The following LRP1B variants were observed in gnomAD, a reference collection of about 807,000 sequenced individuals.
The protein encoded by LRP1B is low-density lipoprotein receptor-related protein 1B.
LRP1B carries 217 observed loss-of-function variants against 556.6 expected under a neutral mutation model. The ratio of observed to expected loss-of-function variants is 0.39; its 90% CI spans 0.35 to 0.44. The LOEUF (loss-of-function observed/expected upper bound fraction) is 0.44. Ranked by LOEUF, LRP1B falls within the 20% of genes least tolerant of loss-of-function variation. The pLI is 1.00. For missense variants in LRP1B, 5,053 were observed against 5,620.8 expected (o/e 0.90, Z 3.23); for synonymous variants, 2,047 against 1,865.8 (o/e 1.10, Z -2.50).
At chr2:141,808,422 G>A (rs2890600) in intron 2 of LRP1B, among the ~76,000 whole-genome samples, 3 of 151,984 alleles carry the variant, frequency 2.0e-5, no homozygotes, top group African/African-American at 7.2e-5. Context: ...TTGAAAAGGA[G>A]AGGGCTAAAG....
intron 41 of LRP1B, among the ~76,000 whole-genome samples, chr2:140,647,297 T>C (rs1684518861): frequency 6.6e-6 from 1 of 152,244 alleles, no homozygotes; most frequent in Non-Finnish European, 1.5e-5. Flanking sequence ...AAATAGTCTT[T>C]CCAACCCTTT....
chr2:141,664,339 T>C (rs1290777513), intron 2 of LRP1B, among the ~76,000 whole-genome samples: 2 of 152,150 alleles, frequency 1.3e-5, no homozygotes, highest in Non-Finnish European at 2.9e-5. Flanking sequence ...TTCAACATAG[T>C]ATTAGAAGTT....
intron 3 of LRP1B, among the ~76,000 whole-genome samples, chr2:141,417,703 T>G (rs1188044960): frequency 6.6e-6 from 1 of 152,018 alleles, no homozygotes; most frequent in Admixed American, 6.6e-5. Context: ...GATCCTGATT[T>G]AAATTCTTTT....
intron 2 of LRP1B, among the ~76,000 whole-genome samples, chr2:141,639,373 TATACAC>T (rs1558772384): frequency 1.3e-5 from 1 of 76,680 alleles, no homozygotes; most frequent in Non-Finnish European, 3.1e-5. Context: ...CATATATATA[TATACAC>T]ATATATATAT....
chr2:140,484,466 T>C (rs6744173), intron 59 of LRP1B, among the ~76,000 whole-genome samples: 6,315 of 152,172 alleles, frequency 0.041, 168 homozygotes, highest in Non-Finnish European at 0.047. Flanking sequence ...AAATTTGGAG[T>C]ACCAAAGTTA....
Position 140,702,189 on chromosome 2 carries a change from T to A in LRP1B, c.6254A>T (p.Asp2085Val). The A allele has an allele frequency of 6.2e-7, 1 of 1,613,662 alleles. No individual in the cohort carries two copies. The highest frequency in any genetic ancestry group is 1.1e-5 in the South Asian group (1 of 91,080). The change falls in exon 39 of 91, where the codon GAT becomes GTT. Residue 2085 changes from aspartate to valine, a missense_variant. By Grantham distance (152) the Asp-to-Val change is radical. This residue lies in a region of LRP1B where 3,619 missense variants were observed against 3,931.9 expected (regional missense o/e 0.92). Transcript: ENST00000389484. ...REMVLSGSNV[D>V]MFSVAVFGAY... is the part of the protein sequence containing the mutation. Reference sequence around the variant, plus strand: ...CCCAAAGACTGCAACTGAAAACATATCCACATTGCTTCCTGACAGCACCAT... The same window carrying A: ...CCCAAAGACTGCAACTGAAAACATAACCACATTGCTTCCTGACAGCACCAT...
At chr2:141,480,156 A>T (rs1682863796) in intron 3 of LRP1B, among the ~76,000 whole-genome samples, 1 of 127,592 alleles carries the variant, frequency 7.8e-6, no homozygotes, top group Admixed American at 8.3e-5. Context: ...TCAAAGTCTA[A>T]ATTTGTGTGT....
At chr2:140,333,589 T>A (rs1680923170) in intron 79 of LRP1B, among the ~76,000 whole-genome samples, 2 of 151,974 alleles carry the variant, frequency 1.3e-5, no homozygotes, top group African/African-American at 4.8e-5. Flanking sequence ...AATAAGAATA[T>A]AAGCACTAAA....
intron 3 of LRP1B, among the ~76,000 whole-genome samples, chr2:141,277,304 A>G (rs779815812): frequency 3.9e-5 from 6 of 152,116 alleles, no homozygotes; most frequent in Non-Finnish European, 7.4e-5. Context: ...AGAATCTGTT[A>G]TTTTTAGGCT....
At chr2:140,269,353 A>G (rs1015661561) in intron 86 of LRP1B, 1 of 470,744 alleles carries the variant, frequency 2.1e-6, no homozygotes, top group African/African-American at 2.0e-5. Flanking sequence ...TTCTGGTCAC[A>G]GCGCTGACTT....
chr2:141,708,603 C>CT (rs368308402), intron 2 of LRP1B, among the ~76,000 whole-genome samples: 1 of 152,126 alleles, frequency 6.6e-6, no homozygotes, highest in Non-Finnish European at 1.5e-5. Context: ...TTCTATACTG[C>CT]TTTTTCTAAT....
At chr2:142,126,165 C>T (rs1334235189) in intron 1 of LRP1B, among the ~76,000 whole-genome samples, 1 of 151,766 alleles carries the variant, frequency 6.6e-6, no homozygotes, top group Non-Finnish European at 1.5e-5. Context: ...GTTTCTGCCA[C>T]ACAGTCAGAT....
chr2:142,118,791 C>A (rs900270830), intron 1 of LRP1B, among the ~76,000 whole-genome samples: 1 of 152,106 alleles, frequency 6.6e-6, no homozygotes, highest in African/African-American at 2.4e-5. Context: ...ACACAGCAAA[C>A]AAATTTACAG....
At chr2:141,108,494 G>A (rs772436995) in intron 7 of LRP1B, among the ~76,000 whole-genome samples, 26 of 151,604 alleles carry the variant, frequency 1.7e-4, no homozygotes, top group Non-Finnish European at 3.2e-4. Flanking sequence ...GATTACAGGT[G>A]CCTGCCACCA....
At chr2:140,373,645 C>T (rs1417755691) in intron 68 of LRP1B, among the ~76,000 whole-genome samples, 2 of 151,952 alleles carry the variant, frequency 1.3e-5, no homozygotes, top group Non-Finnish European at 2.9e-5. Flanking sequence ...TTCTACCTGG[C>T]GCAATAGCCC....
At chr2:140,903,433 C>T (rs1439704994) in intron 22 of LRP1B, among the ~76,000 whole-genome samples, 1 of 151,656 alleles carries the variant, frequency 6.6e-6, no homozygotes, top group African/African-American at 2.4e-5. Flanking sequence ...TTTGCTTTGC[C>T]CCACAGATGT....
intron 29 of LRP1B, among the ~76,000 whole-genome samples, chr2:140,849,045 A>C (rs1368663680): frequency 3.3e-5 from 5 of 151,896 alleles, no homozygotes; most frequent in Non-Finnish European, 7.4e-5. Flanking sequence ...TGCAAAGGGA[A>C]GTTGCTTATA....
intron 1 of LRP1B, among the ~76,000 whole-genome samples, chr2:142,127,150 T>A (rs1042080079): frequency 3.9e-5 from 6 of 152,082 alleles, no homozygotes; most frequent in African/African-American, 1.2e-4. Flanking sequence ...AGTTAATATT[T>A]AATTTTTCTG....
At chr2:141,875,349 G>GT (rs1224175558) in intron 1 of LRP1B, among the ~76,000 whole-genome samples, 4 of 151,820 alleles carry the variant, frequency 2.6e-5, no homozygotes, top group African/African-American at 9.7e-5. Flanking sequence ...GACAAAGCTT[G>GT]TTTTTCTAAG....
Sources: gnomAD v4.1 joint callset for allele counts (sites outside exome capture counted in the v4.1 genomes callset) on GRCh38, gnomAD v4.1.1 for gene constraint, gnomAD v4.1.1 regional missense constraint, MANE v1.5 for transcripts, NCBI Gene and HGNC (gene_info 2026-07-23, HGNC 2026-07-21) for gene names.